The following MICAL3 variants were observed in gnomAD, a reference collection of about 807,000 sequenced individuals.
The protein encoded by MICAL3 is microtubule associated monooxygenase, calponin and LIM domain containing 3.
A neutral mutation model predicts 207.4 loss-of-function variants in MICAL3; 62 were observed. The ratio of observed to expected loss-of-function variants is 0.30; its 90% CI spans 0.24 to 0.37. MICAL3 has a LOEUF of 0.37. Ranked by LOEUF, MICAL3 falls within the 10% of genes least tolerant of loss-of-function variation. The pLI, the probability that MICAL3 is intolerant of heterozygous loss-of-function variation, is 1.00. For synonymous variants in MICAL3, 1,077 were observed against 1,069.3 expected (o/e 1.01, Z -0.14); for missense variants, 2,368 against 2,635.6 (o/e 0.90, Z 2.22).
intron 1 of MICAL3, among the ~76,000 whole-genome samples, chr22:17,913,629 T>C (rs541846454): frequency 1.3e-5 from 2 of 152,094 alleles, no homozygotes; most frequent in Admixed American, 6.5e-5. Flanking sequence ...CAGACCCAGA[T>C]AGCCTCTGGG....
intron 1 of MICAL3, among the ~76,000 whole-genome samples, chr22:17,931,907 A>G (rs148051624): frequency 3.5e-4 from 53 of 152,352 alleles, no homozygotes; most frequent in African/African-American, 1.0e-3. Flanking sequence ...AGTGCACAGT[A>G]TATGTCAAGA....
chr22:17,913,300 C>G (rs2146282040), intron 1 of MICAL3, among the ~76,000 whole-genome samples: 1 of 152,252 alleles, frequency 6.6e-6, no homozygotes, highest in African/African-American at 2.4e-5. Flanking sequence ...ATAACCCGAC[C>G]TGGAGTAGAA....
intron 1 of MICAL3, among the ~76,000 whole-genome samples, chr22:18,012,741 C>T (rs911418504): frequency 2.0e-5 from 3 of 152,236 alleles, no homozygotes; most frequent in Non-Finnish European, 4.4e-5. Flanking sequence ...TGTACTGTTA[C>T]ATGGTGATTT....
At chr22:17,939,491 T>A (rs577455663) in intron 1 of MICAL3, among the ~76,000 whole-genome samples, 1 of 152,162 alleles carries the variant, frequency 6.6e-6, no homozygotes, top group African/African-American at 2.4e-5. Flanking sequence ...ATCCCTGCCA[T>A]CCCCCTAGGA....
At chr22:17,973,694 C>T (rs1264461758) in intron 1 of MICAL3, among the ~76,000 whole-genome samples, 1 of 152,110 alleles carries the variant, frequency 6.6e-6, no homozygotes, top group Non-Finnish European at 1.5e-5. Context: ...TTTGGAAGGT[C>T]GAGGCAGGAA....
chr22:17,863,210 C>A, intron 19 of MICAL3: 1 of 985,426 alleles, frequency 1.0e-6, no homozygotes, highest in South Asian at 4.7e-5. Flanking sequence ...TCAGGAATAA[C>A]CTAAACTTCA....
At position 17,818,709 on chromosome 22, in the gene MICAL3, G is replaced by A. The variant is rs771855285; in HGVS notation, c.3952C>T (p.Leu1318Phe). Residue 1318 changes from leucine (L) to phenylalanine (F), a missense_variant, in exon 26 of 32, where the codon CTC becomes TTC. By Grantham distance (22) the Leu-to-Phe change is conservative (BLOSUM62 0). This residue lies in a region of MICAL3 where 1,770 missense variants were observed against 1,863.2 expected (regional missense o/e 0.95). Coordinates refer to ENST00000441493, the MANE Select transcript of MICAL3 (RefSeq NM_015241.3). ...LGSPLAVDEA[L>F]RRSDLVEEFW... ...TCCTCCACCAGGTCGCTCCGTCTGA[G>A]GGCCTCATCCACAGCAAGGGGGCTG... 1.2e-6 allele frequency: 2 copies of A among 1,613,496 alleles called. No individual in the cohort carries two copies. The highest frequency in any genetic ancestry group is 1.3e-5 in the African/African-American group (1 of 74,944).
intron 18 of MICAL3, 89 bp from the exon 19 acceptor site, chr22:17,865,075 T>C: frequency 9.6e-7 from 1 of 1,046,568 alleles, no homozygotes; most frequent in East Asian, 3.0e-5. Flanking sequence ...TCTGACACGC[T>C]GGTTTTAAAT....
At chr22:17,809,025 C>G (rs423710) in intron 28 of MICAL3, 88 bp from the exon 29 acceptor site, 359,462 of 1,174,940 alleles carry the variant, frequency 0.31, 56,311 homozygotes, top group African/African-American at 0.48. Context: ...AGGGGAAACA[C>G]AGGAGTTGCC....
rs1376804728 is a variant in MICAL3 at position 17,818,075 on chromosome 22, G to A, written c.4586C>T (p.Thr1529Ile). The change falls in exon 26 of 32, where the codon ACC (threonine) becomes ATC (isoleucine). Residue 1529 changes from threonine to isoleucine, a missense_variant. Thr to Ile is a moderately conservative substitution (Grantham distance 89). Transcript: ENST00000441493. ...EIPFADDVED[T>I]YDDKTEDSSL... ...TGAGTCCTCAGTCTTGTCGTCATAG[G>A]TGTCCTCCACATCATCAGCAAAGGG... 4 of 1,613,136 alleles carry A rather than the reference G, an allele frequency of 2.5e-6. No individual in the cohort carries two copies. In the Admixed American group the frequency reaches 5.0e-5, roughly 20 times the overall value.
chr22:17,990,140 C>T (rs1921498681), intron 1 of MICAL3, among the ~76,000 whole-genome samples: 1 of 152,046 alleles, frequency 6.6e-6, no homozygotes. Flanking sequence ...CCCAGGGGAT[C>T]AGGAGTGAGC....
At chr22:17,843,410 G>T (rs907606406) in intron 19 of MICAL3, among the ~76,000 whole-genome samples, 1 of 152,116 alleles carries the variant, frequency 6.6e-6, no homozygotes, top group Admixed American at 6.6e-5. Context: ...GTAGCACCGG[G>T]TCCAGGTGGA....
intron 12 of MICAL3, among the ~76,000 whole-genome samples, chr22:17,889,793 C>T (rs910210558): frequency 1.8e-4 from 27 of 152,050 alleles, no homozygotes; most frequent in Non-Finnish European, 3.1e-4. Context: ...GGAAATAGGG[C>T]GGGACCTGTC....
chr22:17,862,781 A>C (rs537243654), intron 19 of MICAL3: 3 of 985,528 alleles, frequency 3.0e-6, no homozygotes, highest in East Asian at 2.3e-4. Context: ...TGCCGGACTA[A>C]GATGTTCTGG....
chr22:18,002,247 C>A (rs930007991), intron 1 of MICAL3, among the ~76,000 whole-genome samples: 9 of 151,948 alleles, frequency 5.9e-5, no homozygotes, highest in Admixed American at 4.6e-4. Context: ...CTCTTAGTTG[C>A]CGCAAAATGA....
At chr22:17,928,672 T>C (rs915642112) in intron 1 of MICAL3, among the ~76,000 whole-genome samples, 4 of 152,218 alleles carry the variant, frequency 2.6e-5, no homozygotes, top group Non-Finnish European at 5.9e-5. Context: ...CCTGATACGA[T>C]GAACAACCAG....
intron 1 of MICAL3, among the ~76,000 whole-genome samples, chr22:17,980,272 A>G (rs1223071268): frequency 6.6e-6 from 1 of 152,206 alleles, no homozygotes; most frequent in Non-Finnish European, 1.5e-5. Context: ...GAATGGAGAT[A>G]AACTGGGAAA....
intron 19 of MICAL3, among the ~76,000 whole-genome samples, chr22:17,856,013 T>G (rs1602063455): frequency 6.6e-6 from 1 of 152,364 alleles, no homozygotes; most frequent in East Asian, 1.9e-4. Flanking sequence ...TGTTTCCCCA[T>G]GTGCAACATG....
intron 1 of MICAL3, among the ~76,000 whole-genome samples, chr22:17,911,324 G>A (rs913121195): frequency 2.2e-5 from 3 of 139,156 alleles, no homozygotes; most frequent in African/African-American, 8.0e-5. Context: ...GGAGAATCAT[G>A]TTTAAAAATA....
Sources: allele counts gnomAD v4.1 joint callset (sites outside exome capture counted in the v4.1 genomes callset), GRCh38; gene constraint gnomAD v4.1.1; regional missense constraint gnomAD v4.1.1; transcripts MANE v1.5; gene names NCBI Gene and HGNC (gene_info 2026-07-23, HGNC 2026-07-21).